SYNDIG1: variants seen among roughly 807,000 people sequenced by gnomAD.
SYNDIG1 encodes the protein synapse differentiation inducing 1, also known as synapse differentiation-inducing gene protein 1.
Under a neutral mutation model 19.4 loss-of-function variants are expected in SYNDIG1, and 9 were observed. The ratio of observed to expected loss-of-function variants is 0.46; its 90% CI spans 0.28 to 0.81. The LOEUF (loss-of-function observed/expected upper bound fraction) is 0.81. Ranked by LOEUF, SYNDIG1 falls within the 30% of genes least tolerant of loss-of-function variation. The pLI, the probability that SYNDIG1 is intolerant of heterozygous loss-of-function variation, is 0.12. For synonymous variants in SYNDIG1, 141 were observed against 145.9 expected, an observed-to-expected ratio of 0.97 and a Z score of 0.24; for missense variants, 311 against 343.3, an observed-to-expected ratio of 0.91 and a Z score of 0.74.
intron 3 of SYNDIG1, among the ~76,000 whole-genome samples, chr20:24,645,432 C>T (rs1462894065): frequency 2.6e-5 from 4 of 152,240 alleles, no homozygotes; most frequent in African/African-American, 9.6e-5. Flanking sequence ...GGATAGGATG[C>T]TGATGGCTGC....
chr20:24,653,103 A>C lies in SYNDIG1; in HGVS notation c.619-12243A>C, dbSNP rs368309188. Among the ~76,000 whole-genome samples the C allele has an allele frequency of 1.1e-3, 175 of 152,364 alleles. 4 individuals carry two copies. The South Asian group carries it at 0.035, about 31-fold the overall frequency. On this transcript the variant is annotated intron_variant, in intron 3 of 3. Coordinates refer to ENST00000376862, the MANE Select transcript of SYNDIG1 (RefSeq NM_024893.3). ...CTAGTGGCACTTGAACATGTGTGTT[A>C]TGTCACCTCCTTCATAAAATCTTTA...
intron 1 of SYNDIG1, among the ~76,000 whole-genome samples, chr20:24,475,972 C>A: frequency 6.6e-6 from 1 of 151,866 alleles, no homozygotes; most frequent in East Asian, 1.9e-4. Context: ...GCGATTCTTC[C>A]ACCTCAACCT....
intron 2 of SYNDIG1, among the ~76,000 whole-genome samples, chr20:24,550,039 G>GT (rs2057674705): frequency 6.6e-6 from 1 of 152,114 alleles, no homozygotes; most frequent in South Asian, 2.1e-4. Context: ...GTTTATATGG[G>GT]TGTAGGCATG....
rs183286449 is a variant in SYNDIG1 at position 24,537,285 on chromosome 20, T to C, written c.-78-5735T>C. Reference sequence around the variant, plus strand: ...CAAACACACATGAAAGGAGAGAGGATTCTATAATGAATCACATGCACCCAT... The same window carrying C: ...CAAACACACATGAAAGGAGAGAGGACTCTATAATGAATCACATGCACCCAT... On this transcript the variant is annotated intron_variant, in intron 1 of 3. Coordinates refer to ENST00000376862, the MANE Select transcript of SYNDIG1 (RefSeq NM_024893.3). Among the ~76,000 whole-genome samples the C allele has an allele frequency of 2.6e-3, 394 of 152,308 alleles. 1 individual carries two copies. The highest frequency in any genetic ancestry group is 8.9e-3 in the African/African-American group (370 of 41,562).
intron 1 of SYNDIG1, among the ~76,000 whole-genome samples, chr20:24,518,468 C>T (rs759391235): frequency 7.9e-5 from 12 of 152,176 alleles, no homozygotes; most frequent in Non-Finnish European, 1.5e-4. Context: ...TGTGGAAACA[C>T]GGTATATGGG....
At chr20:24,576,334 TAA>T (rs1210073129) in intron 2 of SYNDIG1, among the ~76,000 whole-genome samples, 1 of 152,242 alleles carries the variant, frequency 6.6e-6, no homozygotes, top group East Asian at 1.9e-4. Context: ...GGAATTAGAA[TAA>T]AGAGTGAAAT....
chr20:24,471,275 A>G (rs544165930), intron 1 of SYNDIG1, among the ~76,000 whole-genome samples: 175 of 152,168 alleles, frequency 1.2e-3, no homozygotes, highest in African/African-American at 4.1e-3. Flanking sequence ...CAGCAGCCGA[A>G]GTGAAAAGGA....
chr20:24,649,580 G>A (rs536125347), intron 3 of SYNDIG1, among the ~76,000 whole-genome samples: 23 of 152,210 alleles, frequency 1.5e-4, no homozygotes, highest in African/African-American at 4.8e-4. Context: ...TATTAATATG[G>A]GGTGGAGACT....
intron 3 of SYNDIG1, among the ~76,000 whole-genome samples, chr20:24,632,393 C>T (rs1489369137): frequency 3.9e-5 from 6 of 152,154 alleles, no homozygotes; most frequent in Non-Finnish European, 8.8e-5. Flanking sequence ...GCACATGCCA[C>T]CATGCCTGGC....
chr20:24,558,623 A>T (rs1160607318), intron 2 of SYNDIG1, among the ~76,000 whole-genome samples: 2 of 152,102 alleles, frequency 1.3e-5, no homozygotes, highest in Admixed American at 6.6e-5. Context: ...ACTTCTTCTT[A>T]CTTCTGTTTT....
chr20:24,613,727 TCTC>T (rs1600744930), intron 3 of SYNDIG1, among the ~76,000 whole-genome samples: 1 of 152,122 alleles, frequency 6.6e-6, no homozygotes, highest in African/African-American at 2.4e-5. Context: ...CTGCAGCTCT[TCTC>T]CTGCTACAGT....
intron 3 of SYNDIG1, among the ~76,000 whole-genome samples, chr20:24,651,520 G>A (rs1299116427): frequency 6.6e-6 from 1 of 152,180 alleles, no homozygotes; most frequent in Non-Finnish European, 1.5e-5. Context: ...ACACATTGGA[G>A]TTGTTTTCAC....
intron 2 of SYNDIG1, among the ~76,000 whole-genome samples, chr20:24,548,721 A>G (rs1483564599): frequency 6.6e-6 from 1 of 152,204 alleles, no homozygotes; most frequent in Non-Finnish European, 1.5e-5. Flanking sequence ...TGTTTACCTC[A>G]TAGCACTGGC....
intron 1 of SYNDIG1, among the ~76,000 whole-genome samples, chr20:24,510,863 A>T (rs922007982): frequency 6.6e-5 from 10 of 152,148 alleles, no homozygotes; most frequent in African/African-American, 2.2e-4. Context: ...CCTACCTTTT[A>T]ATATGTCTTT....
At chr20:24,566,572 GT>G (rs768989357) in intron 2 of SYNDIG1, among the ~76,000 whole-genome samples, 7 of 152,296 alleles carry the variant, frequency 4.6e-5, no homozygotes, top group African/African-American at 7.2e-5. Flanking sequence ...GGCTGGACTT[GT>G]TCTGATTACA....
intron 1 of SYNDIG1, chr20:24,491,686 A>G (rs753346154): frequency 6.6e-6 from 1 of 152,300 alleles, no homozygotes; most frequent in African/African-American, 2.4e-5. Context: ...CAAAGTAGAA[A>G]ATCCAACTGT....
At chr20:24,557,211 A>AT (rs976459537) in intron 2 of SYNDIG1, among the ~76,000 whole-genome samples, 2 of 151,782 alleles carry the variant, frequency 1.3e-5, no homozygotes, top group African/African-American at 2.4e-5. Context: ...ATTCGTCTAA[A>AT]TTTTTTTCAA....
At chr20:24,526,720 T>C (rs1208570298) in intron 1 of SYNDIG1, among the ~76,000 whole-genome samples, 1 of 152,224 alleles carries the variant, frequency 6.6e-6, no homozygotes, top group Non-Finnish European at 1.5e-5. Context: ...GTGCATCCTT[T>C]AGAATTCCTT....
chr20:24,543,287 A>G lies in SYNDIG1; in HGVS notation c.190A>G (p.Ser64Gly). ...GASTVPASLD[S>G]SRSEPMQQLL... The stretch of plus-strand genomic sequence containing the variant: ...CAGCACAGTGCCGGCCAGCCTGGAC[A>G]GCAGCAGGAGTGAGCCGATGCAGCA... Residue 64 changes from serine (S) to glycine (G), a missense_variant, in exon 2 of 4, where the codon AGC becomes GGC. Transcript: ENST00000376862. The G allele has an allele frequency of 6.2e-7, 1 of 1,613,624 alleles. No individual in the cohort carries two copies. The highest frequency in any genetic ancestry group is 1.3e-5 in the African/African-American group (1 of 75,042).
Sources: allele counts gnomAD v4.1 joint callset (sites outside exome capture counted in the v4.1 genomes callset), GRCh38; gene constraint gnomAD v4.1.1; transcripts MANE v1.5; gene names NCBI Gene and HGNC (gene_info 2026-07-23, HGNC 2026-07-21).